The following MAMDC2 variants were observed in gnomAD, a reference collection of about 807,000 sequenced individuals.
MAMDC2 encodes MAM domain-containing protein 2.
In MAMDC2, 57 loss-of-function variants were observed where a neutral mutation model predicts 89.8. The ratio of observed to expected loss-of-function variants is 0.63; its 90% CI spans 0.51 to 0.79. The LOEUF is 0.79. MAMDC2 is among the 30% of genes least tolerant of loss of function. The pLI is 0.00. For missense variants in MAMDC2, 800 were observed against 820.6 expected, an observed-to-expected ratio of 0.97 and a Z score of 0.31; for synonymous variants, 313 against 293.4, an observed-to-expected ratio of 1.07 and a Z score of -0.68.
Position 70,226,109 on chromosome 9 carries a change from C to A in MAMDC2, c.*77C>A. ...AAAATGAAAACAAAGCAAATGAATA[C>A]TGGACAGTCTTAACAATTTTATAAG... On this transcript the variant is annotated 3_prime_UTR_variant, in exon 14 of 14. Coordinates refer to ENST00000377182, the MANE Select transcript of MAMDC2 (RefSeq NM_153267.5). 1 of 834,974 alleles carries A rather than the reference C, an allele frequency of 1.2e-6. No homozygotes were observed. The highest frequency in any genetic ancestry group is 1.9e-6 in the Non-Finnish European group (1 of 531,468). The allele number at this position is 834,974 out of a possible 1,614,324, so 51.7% of individuals were successfully genotyped here.
intron 6 of MAMDC2, among the ~76,000 whole-genome samples, chr9:70,127,519 T>A (rs1335989880): frequency 6.6e-6 from 1 of 151,728 alleles, no homozygotes; most frequent in African/African-American, 2.4e-5. Context: ...CCCTTTAAAG[T>A]GCCAGAGAAA....
intron 2 of MAMDC2, among the ~76,000 whole-genome samples, chr9:70,062,373 T>A (rs1012584468): frequency 2.0e-5 from 3 of 152,114 alleles, no homozygotes; most frequent in African/African-American, 7.2e-5. Context: ...AGTTATTAAT[T>A]GAAGGATCGT....
intron 5 of MAMDC2, among the ~76,000 whole-genome samples, chr9:70,125,748 T>G (rs2030504673): frequency 6.6e-6 from 1 of 152,226 alleles, no homozygotes; most frequent in Non-Finnish European, 1.5e-5. Flanking sequence ...TTTGTCTTTG[T>G]GTGCTCTTCA....
chr9:70,050,834 G>A (rs190574152), intron 2 of MAMDC2, among the ~76,000 whole-genome samples: 2 of 152,238 alleles, frequency 1.3e-5, no homozygotes, highest in African/African-American at 4.8e-5. Context: ...TTTAAGCACT[G>A]GTAAGCCTTA....
chr9:70,198,888 T>C (rs969437070), intron 11 of MAMDC2, among the ~76,000 whole-genome samples: 4 of 152,148 alleles, frequency 2.6e-5, no homozygotes, highest in African/African-American at 9.7e-5. Flanking sequence ...ATCACAACTC[T>C]GTTAGTTCCA....
chr9:70,194,671 A>G (rs2032944290), intron 11 of MAMDC2: 1 of 152,096 alleles, frequency 6.6e-6, no homozygotes, highest in South Asian at 2.1e-4. Context: ...TGATTAACTG[A>G]GATTGTATTT....
intron 9 of MAMDC2, among the ~76,000 whole-genome samples, chr9:70,156,140 G>A (rs997474346): frequency 5.9e-5 from 9 of 151,982 alleles, no homozygotes; most frequent in African/African-American, 2.2e-4. Context: ...GGTTCTTGTT[G>A]GTAATTTTCT....
intron 12 of MAMDC2, among the ~76,000 whole-genome samples, chr9:70,219,954 AC>A (rs1433636409): frequency 6.6e-6 from 1 of 152,140 alleles, no homozygotes; most frequent in Non-Finnish European, 1.5e-5. Context: ...ACACAAATTC[AC>A]TTAAAATGCA....
chr9:70,210,395 T>A (rs1166329668), intron 11 of MAMDC2, among the ~76,000 whole-genome samples: 3 of 148,488 alleles, frequency 2.0e-5, no homozygotes, highest in Admixed American at 2.0e-4. Context: ...AATGGCCTTC[T>A]TTGTCTCTTT....
chr9:70,210,589 G>A (rs530583495), intron 11 of MAMDC2, among the ~76,000 whole-genome samples: 1 of 152,062 alleles, frequency 6.6e-6, no homozygotes, highest in Non-Finnish European at 1.5e-5. Flanking sequence ...CTTTATCCAA[G>A]TTGCCAGTCT....
intron 1 of MAMDC2, 151 bp from the exon 2 acceptor site, chr9:70,044,432 CG>C: frequency 1.3e-6 from 1 of 798,394 alleles, no homozygotes; most frequent in East Asian, 2.7e-5. Context: ...TGGAGGCGCC[CG>C]GGGATGCTGG....
chr9:70,200,546 G>A (rs907110931), intron 11 of MAMDC2, among the ~76,000 whole-genome samples: 1 of 151,518 alleles, frequency 6.6e-6, no homozygotes, highest in African/African-American at 2.4e-5. Context: ...CTCTTTTTTG[G>A]TTCCATACGA....
chr9:70,159,436 C>T (rs1442835203), intron 9 of MAMDC2, among the ~76,000 whole-genome samples: 2 of 149,556 alleles, frequency 1.3e-5, no homozygotes, highest in African/African-American at 4.9e-5. Context: ...CTCTTCTTCA[C>T]TTCATGGATC....
At chr9:70,172,823 T>C (rs982857982) in intron 11 of MAMDC2, 4 of 153,108 alleles carry the variant, frequency 2.6e-5, no homozygotes, top group Non-Finnish European at 4.4e-5. Flanking sequence ...ACTTTCAGCA[T>C]TGAGTGAAGG....
At chr9:70,187,721 A>C (rs1266970396) in intron 11 of MAMDC2, among the ~76,000 whole-genome samples, 1 of 152,114 alleles carries the variant, frequency 6.6e-6, no homozygotes, top group Admixed American at 6.5e-5. Context: ...AGATCATACA[A>C]TATGTGGTCT....
intron 11 of MAMDC2, among the ~76,000 whole-genome samples, chr9:70,201,918 A>G (rs1417491509): frequency 7.1e-6 from 1 of 140,280 alleles, no homozygotes; most frequent in East Asian, 2.2e-4. Context: ...ATCATTTTTT[A>G]TTGTGTCTAT....
chr9:70,106,000 T>C (rs1828331714), intron 2 of MAMDC2: 1 of 152,184 alleles, frequency 6.6e-6, no homozygotes, highest in Admixed American at 6.5e-5. Context: ...TGTCCATACA[T>C]TGTAAGTCAG....
intron 2 of MAMDC2, among the ~76,000 whole-genome samples, chr9:70,098,765 C>A (rs1177667124): frequency 6.6e-6 from 1 of 152,138 alleles, no homozygotes; most frequent in Non-Finnish European, 1.5e-5. Context: ...GGACTTTGTG[C>A]CTCAGCTTGG....
At chr9:70,164,967 A>G (rs891057367) in intron 9 of MAMDC2, among the ~76,000 whole-genome samples, 1 of 132,252 alleles carries the variant, frequency 7.6e-6, no homozygotes, top group Non-Finnish European at 1.6e-5. Flanking sequence ...TATTTAATAT[A>G]ATATTTAATA....
Sources: gnomAD v4.1 joint callset for allele counts (sites outside exome capture counted in the v4.1 genomes callset) on GRCh38, gnomAD v4.1.1 for gene constraint, MANE v1.5 for transcripts, NCBI Gene and HGNC (gene_info 2026-07-23, HGNC 2026-07-21) for gene names.